The following ALDH1A1 variants were observed in gnomAD, a reference collection of about 807,000 sequenced individuals.
ALDH1A1 encodes aldehyde dehydrogenase 1A1.
ALDH1A1 carries 19 observed loss-of-function variants against 62.1 expected under a neutral mutation model. That is an observed-to-expected ratio of 0.31 (90% CI 0.21 to 0.45). The LOEUF (loss-of-function observed/expected upper bound fraction) is 0.45. Ranked by LOEUF, ALDH1A1 falls within the 20% of genes least tolerant of loss-of-function variation. The pLI is 1.00. For missense variants in ALDH1A1, 521 were observed against 607.1 expected (o/e 0.86, Z 1.49); for synonymous variants, 231 against 215.9 (o/e 1.07, Z -0.61).
At chr9:72,914,017 T>C (rs1830026618) in intron 9 of ALDH1A1, among the ~76,000 whole-genome samples, 1 of 152,204 alleles carries the variant, frequency 6.6e-6, no homozygotes, top group African/African-American at 2.4e-5. Context: ...TCTGGACACC[T>C]GGGACTGTCC....
intron 3 of ALDH1A1, 61 bp from the exon 4 acceptor site, chr9:72,929,082 GT>G: frequency 6.5e-7 from 1 of 1,539,962 alleles, no homozygotes; most frequent in South Asian, 1.2e-5. Flanking sequence ...AAAATATGTA[GT>G]AAATATTTTC....
intron 11 of ALDH1A1, among the ~76,000 whole-genome samples, chr9:72,906,413 T>C (rs1217303593): frequency 6.6e-6 from 1 of 152,200 alleles, no homozygotes; most frequent in African/African-American, 2.4e-5. Flanking sequence ...AGCTTGTAAT[T>C]CTCTTGATGT....
intron 11 of ALDH1A1, among the ~76,000 whole-genome samples, chr9:72,908,589 AAGAAAGAAAG>A (rs1223825807): frequency 2.8e-5 from 4 of 140,640 alleles, no homozygotes; most frequent in Admixed American, 7.0e-5. Context: ...GAAAGAAAGA[AAGAAAGAAAG>A]AAAGAAAGAA....
intron 2 of ALDH1A1, among the ~76,000 whole-genome samples, chr9:72,938,107 T>G (rs1249410725): frequency 1.3e-5 from 2 of 152,076 alleles, no homozygotes; most frequent in Non-Finnish European, 2.9e-5. Flanking sequence ...TTACTGGGGC[T>G]AAAGTAATGG....
intron 4 of ALDH1A1, among the ~76,000 whole-genome samples, chr9:72,928,078 C>A (rs1331109015): frequency 6.6e-6 from 1 of 150,864 alleles, no homozygotes; most frequent in Non-Finnish European, 1.5e-5. Flanking sequence ...TTCTTAGTAC[C>A]ACCGAGGTCT....
intron 2 of ALDH1A1, 76 bp from the exon 3 acceptor site, chr9:72,931,095 A>G: frequency 6.4e-7 from 1 of 1,554,550 alleles, no homozygotes; most frequent in South Asian, 1.1e-5. Flanking sequence ...AACCCTGTAA[A>G]ATAGACTGTA....
Position 72,917,050 on chromosome 9 carries a change from C to T in ALDH1A1, c.905G>A (p.Cys302Tyr). 6.2e-7 allele frequency: 1 copy of T among 1,613,066 alleles called. No individual in the cohort carries two copies. Among genetic ancestry groups the T allele is most frequent in the Non-Finnish European group, 8.5e-7 (1 of 1,179,430 alleles). Residue 302 changes from cysteine (C) to tyrosine (Y), a missense_variant, in exon 9 of 13, where the codon TGT becomes TAT. Physicochemically the swap from Cys to Tyr is radical, Grantham distance 194 (BLOSUM62 -2). Transcript: ENST00000297785. ...HHGVFYHQGQCCIAASRIFVE... is the reference protein window; with the variant it reads ...HHGVFYHQGQYCIAASRIFVE... Reference sequence around the variant, plus strand: ...AAAAATCCTGGATGCGGCTATACAACACTGGCCCTGGTGGTAGAATACCCC... The same window carrying T: ...AAAAATCCTGGATGCGGCTATACAATACTGGCCCTGGTGGTAGAATACCCC...
At chr9:72,907,608 A>G (rs970286880) in intron 11 of ALDH1A1, among the ~76,000 whole-genome samples, 4 of 152,238 alleles carry the variant, frequency 2.6e-5, no homozygotes, top group African/African-American at 9.6e-5. Context: ...TTTACTGTGA[A>G]TTAACAGGGA....
At position 72,938,158 on chromosome 9, in the gene ALDH1A1, A is replaced by G. The variant is rs1377151803; in HGVS notation, c.171+1990T>C. Reference sequence around the variant, plus strand: ...AGACTGGCAGGAACATGTGATCGCTATAATTAACTAAAACACATTGTCATG... The same window carrying G: ...AGACTGGCAGGAACATGTGATCGCTGTAATTAACTAAAACACATTGTCATG... On this transcript the variant is annotated intron_variant, in intron 2 of 12. Coordinates refer to ENST00000297785, the MANE Select transcript of ALDH1A1 (RefSeq NM_000689.5). Among the ~76,000 whole-genome samples the G allele has an allele frequency of 4.6e-5, 7 of 152,160 alleles. No homozygotes were observed. In the South Asian group the frequency reaches 1.2e-3, roughly 27 times the overall value.
chr9:72,949,583 C>A (rs1830513715), intron 1 of ALDH1A1, among the ~76,000 whole-genome samples: 1 of 151,564 alleles, frequency 6.6e-6, no homozygotes. Flanking sequence ...TAAATAAAAT[C>A]ATTGTCAAGA....
intron 9 of ALDH1A1, among the ~76,000 whole-genome samples, chr9:72,915,777 C>T (rs1181562948): frequency 2.6e-5 from 4 of 152,166 alleles, no homozygotes; most frequent in African/African-American, 4.8e-5. Context: ...CCATGAGGTC[C>T]GGGATCAAGT....
intron 12 of ALDH1A1, among the ~76,000 whole-genome samples, chr9:72,902,710 T>C (rs1829820981): frequency 1.3e-5 from 2 of 152,012 alleles, no homozygotes; most frequent in African/African-American, 4.8e-5. Flanking sequence ...GGCTGAAATA[T>C]GTCCTGCTCC....
chr9:72,917,055 G>A lies in ALDH1A1; in HGVS notation c.900C>T (p.Gly300=), dbSNP rs1830074860. Residue 300 remains glycine (G), a synonymous_variant, in exon 9 of 13, where the codon GGC becomes GGT. Coordinates refer to ENST00000297785, the MANE Select transcript of ALDH1A1 (RefSeq NM_000689.5). ...TCCTGGATGCGGCTATACAACACTG[G>A]CCCTGGTGGTAGAATACCCCATGGT... is the stretch of plus-strand genomic sequence containing the variant. ...FAHHGVFYHQ[G]QCCIAASRIF... The A allele has an allele frequency of 1.2e-6, 2 of 1,612,460 alleles. No individual in the cohort carries two copies. Among genetic ancestry groups the A allele is most frequent in the Non-Finnish European group, 1.7e-6 (2 of 1,179,162 alleles).
intron 1 of ALDH1A1, among the ~76,000 whole-genome samples, chr9:72,946,945 C>T (rs1830483307): frequency 6.6e-6 from 1 of 151,766 alleles, no homozygotes; most frequent in Non-Finnish European, 1.5e-5. Context: ...GAGTGTTTCC[C>T]TCATTCTGGC....
chr9:72,913,966 C>T (rs1830025663), intron 9 of ALDH1A1, among the ~76,000 whole-genome samples: 1 of 152,210 alleles, frequency 6.6e-6, no homozygotes, highest in African/African-American at 2.4e-5. Flanking sequence ...AGACCTTCTT[C>T]AGAAGGCATC....
In ALDH1A1 at chr9:72,952,919, TAGA is replaced by T; in HGVS notation, c.66+13_66+15del. 1 of 1,610,792 alleles carries T rather than the reference TAGA, an allele frequency of 6.2e-7. No individual in the cohort carries two copies. On this transcript the variant is annotated intron_variant, in intron 1 of 12. Coordinates refer to ENST00000297785, the MANE Select transcript of ALDH1A1 (RefSeq NM_000689.5). ...TGCAAACCCGAGTCAAAGCAGAAAATAGAAGTTTTACTCACCTTAGTATATTGA... is the reference window on the plus strand; with the variant it reads ...TGCAAACCCGAGTCAAAGCAGAAAATAGTTTTACTCACCTTAGTATATTGA...
At chr9:72,943,664 A>G (rs1830442209) in intron 1 of ALDH1A1, among the ~76,000 whole-genome samples, 1 of 152,158 alleles carries the variant, frequency 6.6e-6, no homozygotes, top group African/African-American at 2.4e-5. Flanking sequence ...AATCATGATT[A>G]GTAACTTTTG....
chr9:72,909,567 T>G, intron 11 of ALDH1A1, 35 bp downstream of exon 11: 1 of 1,574,896 alleles, frequency 6.3e-7, no homozygotes, highest in Non-Finnish European at 8.6e-7. Context: ...ATGTGGTTAT[T>G]ACTGAAAAGG....
intron 10 of ALDH1A1, among the ~76,000 whole-genome samples, chr9:72,910,391 T>C (rs1471103417): frequency 6.6e-6 from 1 of 152,150 alleles, no homozygotes; most frequent in East Asian, 1.9e-4. Flanking sequence ...TCAAACAGAA[T>C]TGTTCCTTAC....
Sources: gnomAD v4.1 joint callset for allele counts (sites outside exome capture counted in the v4.1 genomes callset) on GRCh38, gnomAD v4.1.1 for gene constraint, MANE v1.5 for transcripts, NCBI Gene and HGNC (gene_info 2026-07-23, HGNC 2026-07-21) for gene names.